The following ASL variants were observed in gnomAD, a reference collection of about 807,000 sequenced individuals.
The protein encoded by ASL is argininosuccinate lyase.
A neutral mutation model predicts 69.1 loss-of-function variants in ASL; 51 were observed. The observed-to-expected ratio is 0.74, with a 90% CI of 0.59 to 0.93. The LOEUF is 0.93. ASL is among the 40% of genes least tolerant of loss of function. ASL has a pLI of 0.00. For missense variants in ASL, 540 were observed against 623.9 expected, an observed-to-expected ratio of 0.87 and a Z score of 1.43; for synonymous variants, 241 against 247.6, an observed-to-expected ratio of 0.97 and a Z score of 0.25.
chr7:66,080,564 A>T (rs1330664435), intron 2 of ASL, among the ~76,000 whole-genome samples: 2 of 151,416 alleles, frequency 1.3e-5, no homozygotes, highest in African/African-American at 4.9e-5. Context: ...CTCTACTAAA[A>T]ATATAAAACT....
Position 66,089,627 on chromosome 7 carries a change from G to A in ASL, c.994G>A (p.Val332Met). 6.2e-7 allele frequency: 1 copy of A among 1,613,890 alleles called. No individual in the cohort carries two copies. The highest frequency in any genetic ancestry group is 8.5e-7 in the Non-Finnish European group (1 of 1,180,012). The stretch of plus-strand genomic sequence containing the variant: ...TGCCTCCCAGGAGGACAAGGAAGCT[G>A]TGTTTGAAGTGTCAGACACTATGAG... ...NKDLQEDKEA[V>M]FEVSDTMSAV... The change falls in exon 14 of 17, where the codon GTG becomes ATG. Residue 332 changes from valine (V) to methionine (M), a missense_variant. Physicochemically the swap from Val to Met is conservative, Grantham distance 21. Coordinates refer to ENST00000304874, the MANE Select transcript of ASL (RefSeq NM_000048.4).
At chr7:66,082,261 T>C (rs2115693364) in intron 3 of ASL, 107 bp from the exon 4 acceptor site, 1 of 1,270,212 alleles carries the variant, frequency 7.9e-7, no homozygotes, top group Admixed American at 2.0e-5. Flanking sequence ...ACTCAGCTCC[T>C]GGGCAGGGAC....
chr7:66,079,038 T>A (rs1458780062), intron 2 of ASL, among the ~76,000 whole-genome samples: 2 of 152,050 alleles, frequency 1.3e-5, no homozygotes, highest in Non-Finnish European at 2.9e-5. Context: ...GCCTCCCAAG[T>A]AGCTGGGACT....
rs910643561 is a variant in ASL, at chr7:66,081,850, C to T, written c.60C>T (p.Ile20=). 2.5e-6 allele frequency: 4 copies of T among 1,614,054 alleles called. No homozygotes were observed. Among genetic ancestry groups the T allele is most frequent in the Non-Finnish European group, 2.5e-6 (3 of 1,180,044 alleles). ...GGRFVGAVDP[I]MEKFNASIAY... is the part of the protein sequence containing the mutation. The stretch of plus-strand genomic sequence containing the variant: ...GGTTTGTGGGTGCAGTGGACCCCAT[C>T]ATGGAGAAGTTCAACGCGTCCATTG... The change falls in exon 3 of 17, where the codon ATC becomes ATT. Residue 20 remains isoleucine, a synonymous_variant. Transcript: ENST00000304874.
chr7:66,082,405 A>C lies in ASL; in HGVS notation c.245A>C (p.Asn82Thr). The C allele has an allele frequency of 6.2e-7, 1 of 1,612,238 alleles. No homozygotes were observed. Among genetic ancestry groups the C allele is most frequent in the Non-Finnish European group, 8.5e-7 (1 of 1,179,642 alleles). ...TGGGCCCAGGGCACCTTCAAACTGA[A>C]CTCCAATGATGAGGACATCCACACA... ...EEWAQGTFKL[N>T]SNDEDIHTAN... The change falls in exon 4 of 17, where the codon AAC becomes ACC. Residue 82 changes from asparagine to threonine, a missense_variant. By Grantham distance (65) the Asn-to-Thr change is moderately conservative. Coordinates refer to ENST00000304874, the MANE Select transcript of ASL (RefSeq NM_000048.4).
intron 2 of ASL, among the ~76,000 whole-genome samples, chr7:66,081,283 G>A (rs1786496279): frequency 6.6e-6 from 1 of 151,994 alleles, no homozygotes; most frequent in Admixed American, 6.6e-5. Flanking sequence ...TGGTGGGAAA[G>A]AACCCCAACT....
At position 66,092,566 on chromosome 7, in the gene ASL, C is replaced by T. The variant is rs28940286; in HGVS notation, c.1153C>T (p.Arg385Cys). 4.9e-5 allele frequency: 79 copies of T among 1,609,370 alleles called. No homozygotes were observed. The highest frequency in any genetic ancestry group is 1.5e-5 in the Non-Finnish European group (18 of 1,179,954). Residue 385 changes from arginine to cysteine, a missense_variant, in exon 16 of 17, where the codon CGC (arginine) becomes TGC (cysteine). Arg to Cys is a radical substitution (Grantham distance 180, BLOSUM62 -3). Transcript: ENST00000304874. ...YYLVRKGMPF[R>C]QAHEASGKAV... ...CCTCCCTGGCACCCAGATGCCATTC[C>T]GCCAGGCCCACGAGGCCTCCGGGAA...
intron 6 of ASL, among the ~76,000 whole-genome samples, chr7:66,083,693 A>AT (rs1403456218): frequency 1.1e-4 from 17 of 151,396 alleles, no homozygotes; most frequent in South Asian, 4.2e-4. Flanking sequence ...TCAAAAAAAA[A>AT]GAAAAAAAAA....
chr7:66,092,504 G>A lies in ASL; in HGVS notation c.1144-53G>A. ...GAAGGGGGTGCAGGCAATGGAGGCA[G>A]ATCAGGGCATGGAGAAACCTGCCTC... On this transcript the variant is annotated intron_variant, in intron 15 of 16. Coordinates refer to ENST00000304874, the MANE Select transcript of ASL (RefSeq NM_000048.4). 2.7e-6 allele frequency: 4 copies of A among 1,493,106 alleles called. No homozygotes were observed. The South Asian group carries it at 4.5e-5, about 17-fold the overall frequency. The allele number at this position is 1,493,106 out of a possible 1,614,324, so 92.5% of individuals were successfully genotyped here.
rs1786332299 is a variant in ASL at position 66,075,945 on chromosome 7, C to T, written c.-44+89C>T. Reference sequence around the variant, plus strand: ...CTCACGTCCGCGTCCCCAAGGGCTGCGCTCCCTCAAGCGCAGTGCCCAGAA... The same window carrying T: ...CTCACGTCCGCGTCCCCAAGGGCTGTGCTCCCTCAAGCGCAGTGCCCAGAA... On this transcript the variant is annotated intron_variant, in intron 1 of 16. Transcript: ENST00000304874. 1.2e-5 allele frequency: 14 copies of T among 1,172,576 alleles called. No individual in the cohort carries two copies. In the South Asian group the frequency reaches 1.5e-4, roughly 12 times the overall value. The allele number at this position is 1,172,576 out of a possible 1,614,324, so 72.6% of individuals were successfully genotyped here.
intron 6 of ASL, 188 bp downstream of exon 6, chr7:66,083,362 C>T: frequency 1.7e-6 from 1 of 593,090 alleles, no homozygotes; most frequent in Admixed American, 2.7e-5. Context: ...TACTCCCATG[C>T]CAGTCTAGCT....
chr7:66,084,474 T>C (rs905809531), intron 6 of ASL, among the ~76,000 whole-genome samples: 1 of 151,974 alleles, frequency 6.6e-6, no homozygotes, highest in African/African-American at 2.4e-5. Context: ...ATTTTTAAAT[T>C]TTTAACTTTT....
rs753041896 is a variant in ASL, at chr7:66,089,682, T to C, written c.1049T>C (p.Ile350Thr). The C allele has an allele frequency of 9.9e-6, 16 of 1,613,316 alleles. No individual in the cohort carries two copies. The highest frequency in any genetic ancestry group is 1.2e-5 in the Non-Finnish European group (14 of 1,179,724). Reference sequence around the variant, plus strand: ...GTGCTCCAGGTGGCCACTGGCGTCATCTCTACGCTGCAGGCAAGACATCAC... The same window carrying C: ...GTGCTCCAGGTGGCCACTGGCGTCACCTCTACGCTGCAGGCAAGACATCAC... ...SAVLQVATGV[I>T]STLQIHQENM... is the part of the protein sequence containing the mutation. The change falls in exon 14 of 17, where the codon ATC becomes ACC. Residue 350 changes from isoleucine (I) to threonine (T), a missense_variant. By Grantham distance (89) the Ile-to-Thr change is moderately conservative. Coordinates refer to ENST00000304874, the MANE Select transcript of ASL (RefSeq NM_000048.4).
chr7:66,087,243 CGTGTGTGTGTGTGT>C (rs60055215), intron 8 of ASL, 77 bp from the exon 9 acceptor site: 673 of 976,780 alleles, frequency 6.9e-4, no homozygotes, highest in Middle Eastern at 1.1e-3. Context: ...TGTGTGCGTT[CGTGTGTGTGTGTGT>C]GTGTGTGTGT....
chr7:66,082,937 G>A lies in ASL; in HGVS notation c.348+1G>A. On this transcript the variant is annotated splice_donor_variant, in intron 5 of 16. Transcript: ENST00000304874. LOFTEE classifies it high-confidence loss of function. ...CACGGGACGGAGCCGGAATGACCAG[G>A]TGCTTTAGCCCCTCCACCCCCTGCT... is the stretch of plus-strand genomic sequence containing the variant. The A allele has an allele frequency of 6.2e-7, 1 of 1,613,660 alleles. No individual in the cohort carries two copies. The highest frequency in any genetic ancestry group is 8.5e-7 in the Non-Finnish European group (1 of 1,179,978).
At chr7:66,077,390 C>G (rs767529310) in intron 2 of ASL, among the ~76,000 whole-genome samples, 3 of 152,038 alleles carry the variant, frequency 2.0e-5, no homozygotes, top group Non-Finnish European at 4.4e-5. Flanking sequence ...CACCACTGCA[C>G]TCCAGCCCAG....
At chr7:66,092,218 G>C (rs891837392) in intron 15 of ASL, 132 bp downstream of exon 15, 1 of 1,079,352 alleles carries the variant, frequency 9.3e-7, no homozygotes, top group African/African-American at 1.6e-5. Context: ...TTGGGAAGCC[G>C]AGGTGGGCGG....
chr7:66,076,020 G>A lies in ASL; in HGVS notation c.-43-19G>A, dbSNP rs1786336129. ...ACCCTGCTGGCCAAGGAGGTCGTCA[G>A]TCCGGTCTTGTCTTCCAGACCCGGA... On this transcript the variant is annotated intron_variant, in intron 1 of 16. Coordinates refer to ENST00000304874, the MANE Select transcript of ASL (RefSeq NM_000048.4). 1.9e-6 allele frequency: 3 copies of A among 1,566,552 alleles called. No individual in the cohort carries two copies. The highest frequency in any genetic ancestry group is 2.6e-6 in the Non-Finnish European group (3 of 1,155,746).
At chr7:66,084,721 G>A (rs969944996) in intron 6 of ASL, among the ~76,000 whole-genome samples, 7 of 152,070 alleles carry the variant, frequency 4.6e-5, no homozygotes, top group African/African-American at 1.4e-4. Context: ...CCAGGTTCAC[G>A]CCATTCTCCT....
Sources: gnomAD v4.1 joint callset for allele counts (sites outside exome capture counted in the v4.1 genomes callset) on GRCh38, gnomAD v4.1.1 for gene constraint, MANE v1.5 for transcripts, NCBI Gene and HGNC (gene_info 2026-07-23, HGNC 2026-07-21) for gene names.